The following SLC44A3 variants were observed in gnomAD, a reference collection of about 807,000 sequenced individuals.
SLC44A3 encodes the protein choline transporter-like protein 3.
A neutral mutation model predicts 75.4 loss-of-function variants in SLC44A3; 74 were observed. The observed-to-expected ratio is 0.98, with a 90% CI of 0.81 to 1.19. The LOEUF (loss-of-function observed/expected upper bound fraction) is 1.19, where lower values mean the gene tolerates loss of function less well. Among genes scored for constraint, SLC44A3 ranks in the 50% most tolerant of loss-of-function variants. The probability of loss-of-function intolerance (pLI) is 0.00; values close to 1 mark genes in which losing one functional copy is unlikely to be tolerated. For synonymous variants in SLC44A3, 310 were observed against 296.9 expected, an observed-to-expected ratio of 1.04 and a Z score of -0.45; for missense variants, 700 against 778.6, an observed-to-expected ratio of 0.90 and a Z score of 1.20.
chr1:94,839,588 C>T (rs1178745180), intron 6 of SLC44A3, among the ~76,000 whole-genome samples: 4 of 152,048 alleles, frequency 2.6e-5, no homozygotes, highest in African/African-American at 9.7e-5. Flanking sequence ...GGGGTTTTGC[C>T]AGGTTGGCCA....
chr1:94,888,679 T>A (rs1045161325), intron 12 of SLC44A3: 105 of 984,694 alleles, frequency 1.1e-4, no homozygotes, highest in Non-Finnish European at 1.2e-4. Flanking sequence ...GACGTCTCAC[T>A]GAAAATCTCT....
At position 94,892,261 on chromosome 1, in the gene SLC44A3, C is replaced by G; in HGVS notation, c.1621-20C>G. On this transcript the variant is annotated intron_variant, in intron 13 of 14. Coordinates refer to ENST00000271227, the MANE Select transcript of SLC44A3 (RefSeq NM_001114106.3). ...GCAACTGATTCATAAAGATTTTCAACAAACTCTTCTTTTGCACAGGTGTTA... is the reference window on the plus strand; with the variant it reads ...GCAACTGATTCATAAAGATTTTCAAGAAACTCTTCTTTTGCACAGGTGTTA... 6.3e-7 allele frequency: 1 copy of G among 1,595,980 alleles called. No homozygotes were observed. Among genetic ancestry groups the G allele is most frequent in the Non-Finnish European group, 8.5e-7 (1 of 1,169,858 alleles).
chr1:94,868,832 A>G (rs941878750), intron 12 of SLC44A3, among the ~76,000 whole-genome samples: 1 of 152,274 alleles, frequency 6.6e-6, no homozygotes, highest in Non-Finnish European at 1.5e-5. Flanking sequence ...CTCTCACTGT[A>G]CTACGGGAAT....
chr1:94,825,741 A>G, intron 3 of SLC44A3: 1 of 418,808 alleles, frequency 2.4e-6, no homozygotes, highest in Non-Finnish European at 4.8e-6. Flanking sequence ...TCTCAGACTA[A>G]GCCTCTTATC....
intron 12 of SLC44A3, among the ~76,000 whole-genome samples, chr1:94,885,958 GC>G (rs1669541048): frequency 6.6e-6 from 1 of 152,232 alleles, no homozygotes; most frequent in South Asian, 2.1e-4. Context: ...CTGTGCCAAG[GC>G]ATTTGGGATA....
At chr1:94,850,838 A>G (rs74418822) in intron 9 of SLC44A3, among the ~76,000 whole-genome samples, 3,212 of 152,300 alleles carry the variant, frequency 0.021, 50 homozygotes, top group Non-Finnish European at 0.031. Context: ...TCTCTGGCAC[A>G]TTCAATAACA....
At chr1:94,872,171 G>A (rs375457029) in intron 12 of SLC44A3, among the ~76,000 whole-genome samples, 5 of 151,890 alleles carry the variant, frequency 3.3e-5, no homozygotes, top group African/African-American at 9.7e-5. Flanking sequence ...GCACGATCTC[G>A]GCTCACTACA....
intron 12 of SLC44A3, among the ~76,000 whole-genome samples, chr1:94,888,055 C>G (rs982645988): frequency 1.3e-5 from 2 of 152,110 alleles, no homozygotes; most frequent in Non-Finnish European, 2.9e-5. Context: ...CTTTAATCCT[C>G]CCAACATCCC....
chr1:94,841,708 G>A (rs189615868), intron 7 of SLC44A3, among the ~76,000 whole-genome samples: 90 of 152,274 alleles, frequency 5.9e-4, no homozygotes, highest in African/African-American at 2.0e-3. Flanking sequence ...CCTCCTGCTC[G>A]CATCCAGACC....
At chr1:94,824,407 C>T in intron 2 of SLC44A3, 86 bp from the exon 3 acceptor site, 1 of 1,452,354 alleles carries the variant, frequency 6.9e-7, no homozygotes, top group Non-Finnish European at 9.1e-7. Context: ...CCACCAGGCT[C>T]CGTTTTATAT....
At chr1:94,860,929 T>C (rs1307335388) in intron 10 of SLC44A3, among the ~76,000 whole-genome samples, 2 of 152,120 alleles carry the variant, frequency 1.3e-5, no homozygotes, top group Non-Finnish European at 2.9e-5. Flanking sequence ...AGGTAGACAA[T>C]GGGCTCCAGG....
chr1:94,872,534 C>T (rs954410846), intron 12 of SLC44A3, among the ~76,000 whole-genome samples: 1 of 152,076 alleles, frequency 6.6e-6, no homozygotes, highest in South Asian at 2.1e-4. Context: ...TGAGAACCAC[C>T]ATATCTATAC....
Position 94,892,304 on chromosome 1 carries a change from T to A in SLC44A3, c.1644T>A (p.Val548=), listed in dbSNP as rs777025312. Residue 548 remains valine, a synonymous_variant, in exon 14 of 15, where the codon GTT becomes GTA. Coordinates refer to ENST00000271227, the MANE Select transcript of SLC44A3 (RefSeq NM_001114106.3). The part of the protein sequence containing the change: ...LGKVLVVCFT[V]FGGLMAFNYN... ...AGGTGTTAGTGGTGTGTTTCACTGT[T>A]TTTGGAGGACTCATGGCTTTTAACT... 23 of 1,614,062 alleles carry A rather than the reference T, an allele frequency of 1.4e-5. No homozygotes were observed. The highest frequency in any genetic ancestry group is 1.9e-5 in the Non-Finnish European group (22 of 1,180,038).
At chr1:94,883,163 T>G (rs1427560669) in intron 12 of SLC44A3, among the ~76,000 whole-genome samples, 1 of 151,178 alleles carries the variant, frequency 6.6e-6, no homozygotes, top group East Asian at 1.9e-4. Flanking sequence ...AGCAGGTGTG[T>G]GAAGGGGCAG....
intron 2 of SLC44A3, among the ~76,000 whole-genome samples, chr1:94,822,104 G>A (rs1331213368): frequency 1.2e-4 from 18 of 152,174 alleles, no homozygotes; most frequent in Admixed American, 1.2e-3. Context: ...AATGCAGGGA[G>A]CAGCTGGCCT....
At chr1:94,894,383 C>T (rs1009075882) in intron 14 of SLC44A3, among the ~76,000 whole-genome samples, 6 of 152,150 alleles carry the variant, frequency 3.9e-5, no homozygotes, top group Non-Finnish European at 8.8e-5. Flanking sequence ...AAGAAAAAAA[C>T]CACCTCTGGC....
Position 94,857,358 on chromosome 1 carries a change from G to C in SLC44A3, c.1096G>C (p.Gly366Arg). The C allele has an allele frequency of 6.2e-7, 1 of 1,610,454 alleles. No homozygotes were observed. The highest frequency in any genetic ancestry group is 1.1e-5 in the South Asian group (1 of 90,086). ...AGGAGCTGCCCAGGTTATGGAAGGC[G>C]GCCAAGTGGAATATAAGCCCCTTTC... ...TAGAAQVMEG[G>R]QVEYKPLSGI... Residue 366 changes from glycine (G) to arginine (R), a missense_variant, in exon 10 of 15, where the codon GGC (glycine) becomes CGC (arginine). Physicochemically the swap from Gly to Arg is moderately radical, Grantham distance 125. Transcript: ENST00000271227.
At chr1:94,870,717 C>T (rs1379633243) in intron 12 of SLC44A3, among the ~76,000 whole-genome samples, 2 of 152,184 alleles carry the variant, frequency 1.3e-5, no homozygotes, top group African/African-American at 4.8e-5. Context: ...AGTTTTGCTC[C>T]TGTTGCCCAG....
chr1:94,826,819 G>T (rs1661416098), intron 3 of SLC44A3, among the ~76,000 whole-genome samples: 1 of 152,072 alleles, frequency 6.6e-6, no homozygotes, highest in South Asian at 2.1e-4. Context: ...CCTTCTCAAG[G>T]TCTCTCCCAT....
Sources: gnomAD v4.1 joint callset for allele counts (sites outside exome capture counted in the v4.1 genomes callset) on GRCh38, gnomAD v4.1.1 for gene constraint, MANE v1.5 for transcripts, NCBI Gene and HGNC (gene_info 2026-07-23, HGNC 2026-07-21) for gene names.